Variants in NUCB2 observed in about 807,000 individuals in gnomAD.
NUCB2 encodes the protein nucleobindin-2.
NUCB2 carries 48 observed loss-of-function variants against 57.9 expected under a neutral mutation model. The observed-to-expected ratio is 0.83, with a 90% CI of 0.66 to 1.05. The LOEUF (loss-of-function observed/expected upper bound fraction) is 1.05, where lower values mean the gene tolerates loss of function less well. Ranked by LOEUF, NUCB2 falls within the 50% of genes least tolerant of loss-of-function variation. The probability of loss-of-function intolerance (pLI) is 0.00; values close to 1 mark genes in which losing one functional copy is unlikely to be tolerated. For missense variants in NUCB2, 442 were observed against 476.2 expected, an observed-to-expected ratio of 0.93 and a Z score of 0.67; for synonymous variants, 139 against 152.1, an observed-to-expected ratio of 0.91 and a Z score of 0.64.
intron 3 of NUCB2, 26 bp downstream of exon 3, chr11:17,295,493 G>A (rs1409027170): frequency 1.3e-6 from 2 of 1,518,690 alleles, no homozygotes; most frequent in East Asian, 2.3e-5. Flanking sequence ...TGAAATGGGA[G>A]GAATTATAAC....
rs758519405 is a variant in NUCB2 at position 17,330,334 on chromosome 11, T to C, written c.1173+37T>C. The C allele has an allele frequency of 9.1e-5, 135 of 1,485,654 alleles. No individual in the cohort carries two copies. The highest frequency in any genetic ancestry group is 3.8e-4 in the Admixed American group (19 of 49,698). The allele number at this position is 1,485,654 out of a possible 1,614,324, so 92.0% of individuals were successfully genotyped here. A position where few individuals can be genotyped will look rare whatever the true frequency, so the allele number is the denominator to read the frequency against. On this transcript the variant is annotated intron_variant, in intron 12 of 13. Coordinates refer to ENST00000529010, the MANE Select transcript of NUCB2 (RefSeq NM_005013.4). This position sits in a 1 kb window ranked among gnomAD's most constrained non-coding sequence, Gnocchi z 4.3. ...TCAAAAGATTATGGCATTAAAAAGA[T>C]TTTAGGTGCTTTGTTAAAAGCCTGT...
At position 17,320,228 on chromosome 11, in the gene NUCB2, A is replaced by G. The variant is rs375539062; in HGVS notation, c.1002+4753A>G. Among the ~76,000 whole-genome samples, 9 of 152,314 alleles carry G rather than the reference A, an allele frequency of 5.9e-5. No individual in the cohort carries two copies. The South Asian group carries it at 1.0e-3, about 18-fold the overall frequency. ...GCCACAACTTTGATTTCAACTTAGC[A>G]TTCTATCTTTTGCCATATTTCATGC... On this transcript the variant is annotated intron_variant, in intron 11 of 13. Coordinates refer to ENST00000529010, the MANE Select transcript of NUCB2 (RefSeq NM_005013.4).
chr11:17,317,902 T>A (rs919669563), intron 11 of NUCB2, among the ~76,000 whole-genome samples: 1 of 151,316 alleles, frequency 6.6e-6, no homozygotes, highest in Non-Finnish European at 1.5e-5. Context: ...GGTCCCGAAC[T>A]CCTGGGCTCA....
intron 11 of NUCB2, among the ~76,000 whole-genome samples, chr11:17,329,051 T>G (rs1275436955): frequency 6.6e-6 from 1 of 152,002 alleles, no homozygotes; most frequent in Non-Finnish European, 1.5e-5. Flanking sequence ...GCAGTTTCCT[T>G]TTGGGCCAGC....
Position 17,288,880 on chromosome 11 carries a change from T to TACACACACAC in NUCB2, c.-1+5938_-1+5939insCACACACACA, listed in dbSNP as rs775443519. 6.1e-4 allele frequency among the ~76,000 whole-genome samples: 41 copies of TACACACACAC among 67,522 alleles called. 7 individuals are homozygous for TACACACACAC. Among genetic ancestry groups the TACACACACAC allele is most frequent in the East Asian group, 3.1e-3 (7 of 2,230 alleles). The allele number at this position is 67,522 out of a possible 152,430, so 44.3% of individuals were successfully genotyped here. A position where few individuals can be genotyped will look rare whatever the true frequency, so the allele number is the denominator to read the frequency against. ...CTTAAAGTCTATTTAATAACATGTA[T>TACACACACAC]ATACACACACACACACACACACACA... On this transcript the variant is annotated intron_variant, in intron 2 of 13. Transcript: ENST00000529010.
intron 2 of NUCB2, 116 bp from the exon 3 acceptor site, chr11:17,295,201 ATTTTTTT>A: frequency 1.4e-6 from 1 of 719,046 alleles, no homozygotes; most frequent in Non-Finnish European, 2.1e-6. Context: ...CTTTCCTATA[ATTTTTTT>A]TTTGTTTTAT....
intron 2 of NUCB2, among the ~76,000 whole-genome samples, chr11:17,289,721 A>G (rs1030825756): frequency 6.6e-6 from 1 of 152,214 alleles, no homozygotes; most frequent in African/African-American, 2.4e-5. Flanking sequence ...CATTTACAGC[A>G]ATGTTACAGT....
At chr11:17,283,494 A>G (rs1374658031) in intron 2 of NUCB2, 1 of 152,246 alleles carries the variant, frequency 6.6e-6, no homozygotes, top group African/African-American at 2.4e-5. Context: ...AACCACTCAT[A>G]GAAGCTTCTA....
intron 5 of NUCB2, among the ~76,000 whole-genome samples, chr11:17,307,633 T>A (rs1486101456): frequency 6.6e-6 from 1 of 152,210 alleles, no homozygotes; most frequent in African/African-American, 2.4e-5. Context: ...TTTGTTTTTT[T>A]ACAGCTGCAT....
downstream of NUCB2, among the ~76,000 whole-genome samples, chr11:17,336,604 A>G (rs945320428): frequency 6.6e-6 from 1 of 151,350 alleles, no homozygotes; most frequent in South Asian, 2.1e-4. Context: ...AATACAAAAA[A>G]TTAGCCGGGC....
At chr11:17,349,862 C>A (rs1414907124) in exon 3 of NUCB2, 1 of 152,194 alleles carries the variant, frequency 6.6e-6, no homozygotes, top group Admixed American at 6.5e-5. Context: ...GATATTCCAA[C>A]AGCAAGTTGG....
intron 2 of NUCB2, among the ~76,000 whole-genome samples, chr11:17,346,812 T>C (rs970912430): frequency 1.3e-5 from 2 of 152,236 alleles, no homozygotes; most frequent in African/African-American, 4.8e-5. Context: ...TCTGCAAATT[T>C]TGCCAGTTAT....
intron 11 of NUCB2, among the ~76,000 whole-genome samples, chr11:17,324,319 C>T (rs1950384765): frequency 6.6e-6 from 1 of 152,088 alleles, no homozygotes; most frequent in South Asian, 2.1e-4. Context: ...ACTGGTTATT[C>T]AGGAGCATAT....
chr11:17,310,739 A>T (rs1948362287), intron 6 of NUCB2, 86 bp from the exon 7 acceptor site: 1 of 1,035,194 alleles, frequency 9.7e-7, no homozygotes, highest in South Asian at 1.5e-5. Flanking sequence ...ACTTCTGTTC[A>T]AGAGTATGCT....
intron 2 of NUCB2, among the ~76,000 whole-genome samples, chr11:17,292,023 T>C (rs1332047932): frequency 6.6e-6 from 1 of 152,166 alleles, no homozygotes; most frequent in Non-Finnish European, 1.5e-5. Flanking sequence ...AGCTTTTCTT[T>C]TTTTTTAATT....
intron 2 of NUCB2, among the ~76,000 whole-genome samples, chr11:17,293,328 T>A (rs961520609): frequency 1.5e-4 from 23 of 151,700 alleles, no homozygotes; most frequent in African/African-American, 4.6e-4. Context: ...TACAAACACA[T>A]TCTCTTGACT....
chr11:17,322,458 G>A (rs912533191), intron 11 of NUCB2, among the ~76,000 whole-genome samples: 5 of 152,064 alleles, frequency 3.3e-5, no homozygotes, highest in Non-Finnish European at 5.9e-5. Flanking sequence ...CTGTATGTCT[G>A]TTTTTATGCC....
intron 11 of NUCB2, among the ~76,000 whole-genome samples, chr11:17,317,973 G>GTTT (rs568298872): frequency 4.9e-5 from 6 of 123,518 alleles, no homozygotes; most frequent in Non-Finnish European, 8.6e-5. Context: ...AAAGAAGTCA[G>GTTT]CTTTTTTTTT....
chr11:17,307,724 A>G (rs1399134570), intron 5 of NUCB2, among the ~76,000 whole-genome samples: 3 of 152,154 alleles, frequency 2.0e-5, no homozygotes, highest in African/African-American at 7.2e-5. Flanking sequence ...CTAGTGAACT[A>G]TCTGTGCATA....
Sources: gnomAD v4.1 joint callset for allele counts (sites outside exome capture counted in the v4.1 genomes callset) on GRCh38, gnomAD v4.1.1 for gene constraint, Gnocchi (gnomAD v3.1) non-coding constraint, MANE v1.5 for transcripts, NCBI Gene and HGNC (gene_info 2026-07-23, HGNC 2026-07-21) for gene names.